Variants in ANXA2 observed in about 807,000 individuals in gnomAD.
ANXA2 encodes annexin II.
Under a neutral mutation model 47.3 loss-of-function variants are expected in ANXA2, and 28 were observed. The observed-to-expected ratio is 0.59, with a 90% confidence interval of 0.44 to 0.81. ANXA2 has a LOEUF of 0.81. ANXA2 is among the 40% of genes least tolerant of loss of function. The pLI is 0.00. For missense variants in ANXA2, 384 were observed against 414.3 expected, an observed-to-expected ratio of 0.93 and a Z score of 0.64; for synonymous variants, 172 against 155.5, an observed-to-expected ratio of 1.11 and a Z score of -0.79.
At chr15:60,384,191 A>C (rs1401263162) in intron 2 of ANXA2, 1 of 152,250 alleles carries the variant, frequency 6.6e-6, no homozygotes. Flanking sequence ...AATGTGGATG[A>C]AATCTAAGGA....
intron 3 of ANXA2, among the ~76,000 whole-genome samples, chr15:60,364,846 TG>T (rs2062570753): frequency 6.6e-6 from 1 of 152,014 alleles, no homozygotes; most frequent in African/African-American, 2.4e-5. Flanking sequence ...GGCAGTCAGA[TG>T]GAACAACAGA....
intron 3 of ANXA2, among the ~76,000 whole-genome samples, chr15:60,382,117 A>G (rs113266239): frequency 4.5e-4 from 68 of 150,594 alleles, no homozygotes; most frequent in African/African-American, 1.5e-3. Flanking sequence ...AAAGAGGGAG[A>G]GAAGGAAGAA....
In ANXA2 at chr15:60,347,385, G is replaced by T; in HGVS notation, c.*245C>A. 1.7e-6 allele frequency: 1 copy of T among 577,348 alleles called. No homozygotes were observed. Among genetic ancestry groups the T allele is most frequent in the Non-Finnish European group, 3.1e-6 (1 of 322,888 alleles). 35.8% of individuals were successfully genotyped at this position (577,348 alleles called of 1,614,324 possible). A position where few individuals can be genotyped will look rare whatever the true frequency, so the allele number is the denominator to read the frequency against. ...TCTGTTTATGACACAGTACACAGGA[G>T]GCAAAGTGTTTCACATCATAGACTT... is the stretch of plus-strand genomic sequence containing the variant. On this transcript the variant is annotated 3_prime_UTR_variant, in exon 13 of 13. Coordinates refer to ENST00000451270, the MANE Select transcript of ANXA2 (RefSeq NM_004039.3).
rs576178455 is a variant in ANXA2 at position 60,352,143 on chromosome 15, C to T, written c.682+240G>A. On this transcript the variant is annotated intron_variant, in intron 9 of 12. Coordinates refer to ENST00000451270, the MANE Select transcript of ANXA2 (RefSeq NM_004039.3). The surrounding 1 kb of genome is among the most constrained non-coding windows in gnomAD (Gnocchi z 4.2). ...AGTCCACTACTTCAACAAATAATGG[C>T]AAGACCAAATGATCATCAAACAAGA... Among the ~76,000 whole-genome samples the T allele has an allele frequency of 1.9e-4, 29 of 152,220 alleles. No homozygotes were observed. Among genetic ancestry groups the T allele is most frequent in the Admixed American group, 1.2e-3 (18 of 15,288 alleles).
chr15:60,397,508 G>C (rs1183188747), intron 1 of ANXA2, among the ~76,000 whole-genome samples: 1 of 152,124 alleles, frequency 6.6e-6, no homozygotes. Context: ...GCAGATGGGG[G>C]GCACTTTCTA....
intron 8 of ANXA2, 83 bp downstream of exon 8, chr15:60,354,071 G>T: frequency 9.2e-7 from 1 of 1,092,868 alleles, no homozygotes; most frequent in Non-Finnish European, 1.3e-6. Flanking sequence ...GGAGTCATTT[G>T]TCACACAGAG....
rs528894329 is a variant in ANXA2, at chr15:60,384,331, G to C, written c.48+1697C>G. 5 of 152,266 alleles carry C rather than the reference G, an allele frequency of 3.3e-5. No homozygotes were observed. The East Asian group carries it at 9.6e-4, about 29-fold the overall frequency. 9.4% of individuals were successfully genotyped at this position (152,266 alleles called of 1,614,324 possible). On this transcript the variant is annotated intron_variant, in intron 2 of 12. Coordinates refer to ENST00000451270, the MANE Select transcript of ANXA2 (RefSeq NM_004039.3). The stretch of plus-strand genomic sequence containing the variant: ...GTCTTGTTCCAAAAACAACAGTGAG[G>C]GGGAAAAGTTTTGTGTCATTTTATA...
In ANXA2 at chr15:60,347,456, G is replaced by A. The variant is rs1483427704; in HGVS notation, c.*174C>T. The A allele has an allele frequency of 9.5e-6, 6 of 630,080 alleles. No homozygotes were observed. The highest frequency in any genetic ancestry group is 1.7e-5 in the Non-Finnish European group (6 of 356,026). The allele number at this position is 630,080 out of a possible 1,614,324, so 39.0% of individuals were successfully genotyped here. On this transcript the variant is annotated 3_prime_UTR_variant, in exon 13 of 13. Coordinates refer to ENST00000451270, the MANE Select transcript of ANXA2 (RefSeq NM_004039.3). The stretch of plus-strand genomic sequence containing the variant: ...GTTCATTTCTTTGGCTTACAGGAGA[G>A]ACTAGACAGGAAGGCCAGGCAATGC...
At chr15:60,382,250 C>T (rs1022432602) in intron 3 of ANXA2, 92 bp downstream of exon 3, 20 of 937,186 alleles carry the variant, frequency 2.1e-5, no homozygotes, top group Admixed American at 9.4e-5. Flanking sequence ...AATTTCAAAT[C>T]GCCAACGTAT....
intron 7 of ANXA2, among the ~76,000 whole-genome samples, chr15:60,354,432 G>C (rs2062394141): frequency 6.6e-6 from 1 of 152,072 alleles, no homozygotes; most frequent in Admixed American, 6.5e-5. Flanking sequence ...ACGAGGTCAG[G>C]AGATGGAGAC....
chr15:60,379,990 G>A (rs1298649796), intron 3 of ANXA2, among the ~76,000 whole-genome samples: 4 of 152,174 alleles, frequency 2.6e-5, no homozygotes, highest in East Asian at 1.9e-4. Context: ...CCATGCTTGT[G>A]AAAAGCACCA....
chr15:60,394,865 C>T (rs1422523642), intron 1 of ANXA2, among the ~76,000 whole-genome samples: 3 of 151,924 alleles, frequency 2.0e-5, no homozygotes, highest in Non-Finnish European at 2.9e-5. Context: ...CTGGCAACAG[C>T]AGAAGAAAAA....
chr15:60,380,541 T>C (rs1207202592), intron 3 of ANXA2, among the ~76,000 whole-genome samples: 2 of 149,236 alleles, frequency 1.3e-5, no homozygotes, highest in Non-Finnish European at 1.5e-5. Flanking sequence ...CGACGGCTCA[T>C]ACCTGTACTC....
chr15:60,349,135 C>T lies in ANXA2; in HGVS notation c.900G>A (p.Met300Ile), dbSNP rs1895868144. ...RIMVSRSEVD[M>I]LKIRSEFKRK... The stretch of plus-strand genomic sequence containing the variant: ...TCTTGAATTCAGACCTAATTTTCAA[C>T]ATGTCCACTTCACTGCGGGAGACCA... Residue 300 changes from methionine (M) to isoleucine (I), a missense_variant, in exon 12 of 13, where the codon ATG (methionine) becomes ATA (isoleucine). Physicochemically the swap from Met to Ile is conservative, Grantham distance 10 (BLOSUM62 1). Coordinates refer to ENST00000451270, the MANE Select transcript of ANXA2 (RefSeq NM_004039.3). The T allele has an allele frequency of 6.2e-7, 1 of 1,614,102 alleles. No individual in the cohort carries two copies.
At chr15:60,355,145 AG>A (rs1209739544) in intron 7 of ANXA2, among the ~76,000 whole-genome samples, 1 of 152,212 alleles carries the variant, frequency 6.6e-6, no homozygotes, top group East Asian at 1.9e-4. Context: ...GAGGGTTTAG[AG>A]GACCTTTCAC....
intron 3 of ANXA2, among the ~76,000 whole-genome samples, chr15:60,368,955 A>C (rs761301389): frequency 2.0e-5 from 3 of 152,206 alleles, no homozygotes; most frequent in Admixed American, 6.5e-5. Context: ...TTTAATCCTC[A>C]TAACAACCAA....
intron 3 of ANXA2, among the ~76,000 whole-genome samples, chr15:60,372,108 C>T (rs2062718691): frequency 6.6e-6 from 1 of 152,140 alleles, no homozygotes; most frequent in Non-Finnish European, 1.5e-5. Context: ...AAGATTGAGC[C>T]ATTGCACTCC....
intron 3 of ANXA2, among the ~76,000 whole-genome samples, chr15:60,374,934 C>A (rs1054459033): frequency 4.6e-5 from 7 of 152,244 alleles, no homozygotes; most frequent in Non-Finnish European, 7.3e-5. Context: ...CTCAGACCTG[C>A]TCTTGTTGGT....
chr15:60,367,273 A>G (rs1163520731), intron 3 of ANXA2, among the ~76,000 whole-genome samples: 205 of 36,522 alleles, frequency 5.6e-3, no homozygotes, highest in East Asian at 6.6e-3. Flanking sequence ...AGGTGGGGGG[A>G]TCAGCCCCCC....
Sources: gnomAD v4.1 joint callset for allele counts (sites outside exome capture counted in the v4.1 genomes callset) on GRCh38, gnomAD v4.1.1 for gene constraint, Gnocchi (gnomAD v3.1) non-coding constraint, MANE v1.5 for transcripts, NCBI Gene and HGNC (gene_info 2026-07-23, HGNC 2026-07-21) for gene names.